ASTN2: variants seen among roughly 807,000 people sequenced by gnomAD.
The protein encoded by ASTN2 is astrotactin-2.
ASTN2 carries 54 observed loss-of-function variants against 139.8 expected under a neutral mutation model. That is an observed-to-expected ratio of 0.39 (90% confidence interval 0.31 to 0.48). ASTN2 has a LOEUF of 0.48. ASTN2 is among the 20% of genes least tolerant of loss of function. ASTN2 has a pLI of 0.95. For missense variants in ASTN2, 1,565 were observed against 1,725.1 expected (o/e 0.91, Z 1.64); for synonymous variants, 756 against 719.5 (o/e 1.05, Z -0.81).
At chr9:117,348,231 T>G (rs755148814) in intron 1 of ASTN2, among the ~76,000 whole-genome samples, 6 of 152,122 alleles carry the variant, frequency 3.9e-5, no homozygotes, top group Non-Finnish European at 7.4e-5. Flanking sequence ...TTCAAGGCAA[T>G]TTTCCAGGTA....
intron 1 of ASTN2, among the ~76,000 whole-genome samples, chr9:117,317,679 C>A (rs765057327): frequency 3.3e-5 from 5 of 152,186 alleles, no homozygotes; most frequent in African/African-American, 4.8e-5. Flanking sequence ...CCCTGGGAGT[C>A]TGTAGATTCT....
chr9:116,868,903 C>A (rs1206057832), intron 10 of ASTN2, among the ~76,000 whole-genome samples: 1 of 152,086 alleles, frequency 6.6e-6, no homozygotes, highest in Non-Finnish European at 1.5e-5. Flanking sequence ...TAAAATGACA[C>A]CATTTGGGCT....
intron 2 of ASTN2, among the ~76,000 whole-genome samples, chr9:117,280,910 G>A (rs1470116787): frequency 6.6e-6 from 1 of 152,040 alleles, no homozygotes; most frequent in Non-Finnish European, 1.5e-5. Flanking sequence ...AGTGGATCTT[G>A]TCAGTAGTAA....
At chr9:116,761,910 C>T (rs1184627428) in intron 13 of ASTN2, among the ~76,000 whole-genome samples, 1 of 152,138 alleles carries the variant, frequency 6.6e-6, no homozygotes, top group Admixed American at 6.5e-5. Flanking sequence ...GGATTCCTGT[C>T]CCTTATGCAA....
intron 1 of ASTN2, among the ~76,000 whole-genome samples, chr9:117,316,136 C>T (rs758502662): frequency 5.3e-5 from 8 of 152,198 alleles, no homozygotes; most frequent in Non-Finnish European, 1.0e-4. Context: ...TCCACTTTCT[C>T]GCTCTCCAGC....
At chr9:116,782,578 C>T (rs1830247222) in intron 13 of ASTN2, among the ~76,000 whole-genome samples, 1 of 152,142 alleles carries the variant, frequency 6.6e-6, no homozygotes, top group South Asian at 2.1e-4. Context: ...AGTACTTCTT[C>T]CACTTAGGGA....
intron 10 of ASTN2, among the ~76,000 whole-genome samples, chr9:116,921,557 C>T (rs542897457): frequency 7.1e-6 from 1 of 141,262 alleles, no homozygotes; most frequent in African/African-American, 2.7e-5. Context: ...CACTGTACTC[C>T]AGCCTGGGCG....
At chr9:116,674,465 C>T (rs1049896790) in intron 16 of ASTN2, among the ~76,000 whole-genome samples, 69 of 152,282 alleles carry the variant, frequency 4.5e-4, no homozygotes, top group Non-Finnish European at 2.9e-4. Flanking sequence ...TGGTCGCCCT[C>T]CCCCGGAGAG....
intron 22 of ASTN2, among the ~76,000 whole-genome samples, chr9:116,431,849 A>G (rs1459963273): frequency 6.6e-6 from 1 of 152,198 alleles, no homozygotes; most frequent in African/African-American, 2.4e-5. Flanking sequence ...CCTCTGCTGT[A>G]AGGCATCAAA....
At chr9:116,619,720 C>T (rs1405254464) in intron 18 of ASTN2, among the ~76,000 whole-genome samples, 4 of 119,992 alleles carry the variant, frequency 3.3e-5, no homozygotes, top group Admixed American at 1.0e-4. Context: ...TTTGGAGAGA[C>T]GAGGTCTCAT....
chr9:116,742,589 A>G (rs1829123493), intron 13 of ASTN2, among the ~76,000 whole-genome samples: 1 of 152,086 alleles, frequency 6.6e-6, no homozygotes, highest in South Asian at 2.1e-4. Context: ...GACTCAGGAT[A>G]TAGTCTGGGA....
rs11506910 is a variant in ASTN2, at chr9:117,200,972, G to T, written c.1015+13386C>A. 2.1e-5 allele frequency among the ~76,000 whole-genome samples: 3 copies of T among 144,282 alleles called. No homozygotes were observed. The Admixed American group carries it at 2.1e-4, about 10-fold the overall frequency. The allele number at this position is 144,282 out of a possible 152,430, so 94.7% of individuals were successfully genotyped here. A position where few individuals can be genotyped will look rare whatever the true frequency, so the allele number is the denominator to read the frequency against. ...CTCTTTGTATTTCTGATAGAATTCA[G>T]CTATGAAACCATCTGGTCCTGGGCT... On this transcript the variant is annotated intron_variant, in intron 3 of 22. Coordinates refer to ENST00000313400, the MANE Select transcript of ASTN2 (RefSeq NM_001365068.1).
chr9:116,560,677 G>A (rs1852858110), intron 19 of ASTN2, among the ~76,000 whole-genome samples: 1 of 152,290 alleles, frequency 6.6e-6, no homozygotes, highest in South Asian at 2.1e-4. Context: ...CAAGTGCCAT[G>A]TGGTCAGAGC....
Position 116,839,882 on chromosome 9 carries a change from T to TTATTTA in ASTN2, c.2041-19100_2041-19099insTAAATA, listed in dbSNP as rs1491254776. Among the ~76,000 whole-genome samples the TTATTTA allele has an allele frequency of 1.8e-3, 111 of 61,814 alleles. 1 individual carries two copies. The highest frequency in any genetic ancestry group is 2.9e-3 in the Non-Finnish European group (86 of 29,512). 40.6% of individuals were successfully genotyped at this position (61,814 alleles called of 152,430 possible). On this transcript the variant is annotated intron_variant, in intron 11 of 22. Transcript: ENST00000313400. Reference sequence around the variant, plus strand: ...TTCATTATTATTATTATTATTATTATTTTTTTTTTTTTAATTGATCATTCT... The same window carrying TTATTTA: ...TTCATTATTATTATTATTATTATTATTATTTATTTTTTTTTTTTAATTGATCATTCT...
intron 10 of ASTN2, among the ~76,000 whole-genome samples, chr9:116,918,692 A>G (rs779864761): frequency 2.0e-5 from 3 of 152,042 alleles, no homozygotes; most frequent in Non-Finnish European, 2.9e-5. Flanking sequence ...TACACGGACT[A>G]TTATGCAGCT....
chr9:116,799,163 C>T (rs1303629075), intron 13 of ASTN2, among the ~76,000 whole-genome samples: 2 of 152,000 alleles, frequency 1.3e-5, no homozygotes, highest in African/African-American at 2.4e-5. Flanking sequence ...TAGGAAGGCA[C>T]TAGAAAAATC....
At chr9:116,776,038 T>C (rs1830081220) in intron 13 of ASTN2, among the ~76,000 whole-genome samples, 1 of 152,170 alleles carries the variant, frequency 6.6e-6, no homozygotes, top group African/African-American at 2.4e-5. Flanking sequence ...GAAGGGAGAC[T>C]GGGTATTGAG....
intron 1 of ASTN2, among the ~76,000 whole-genome samples, chr9:117,325,791 G>A (rs891731357): frequency 6.6e-6 from 1 of 152,090 alleles, no homozygotes; most frequent in Admixed American, 6.5e-5. Context: ...GAACAGAGGT[G>A]GAAGAAGAAA....
intron 16 of ASTN2, among the ~76,000 whole-genome samples, chr9:116,673,570 C>G (rs1859325290): frequency 6.6e-6 from 1 of 152,098 alleles, no homozygotes; most frequent in South Asian, 2.1e-4. Flanking sequence ...TGGAGTGGGG[C>G]AGGTCCTTAA....
Sources: allele counts gnomAD v4.1 joint callset (sites outside exome capture counted in the v4.1 genomes callset), GRCh38; gene constraint gnomAD v4.1.1; transcripts MANE v1.5; gene names NCBI Gene and HGNC (gene_info 2026-07-23, HGNC 2026-07-21).